Variants in SQLE observed in about 807,000 individuals in gnomAD.
SQLE encodes the protein squalene epoxidase, also known as squalene monooxygenase.
In SQLE, 29 loss-of-function variants were observed where a neutral mutation model predicts 60.7. The observed-to-expected ratio is 0.48, with a 90% CI of 0.36 to 0.65. The LOEUF (loss-of-function observed/expected upper bound fraction) is 0.65, where lower values mean the gene tolerates loss of function less well. Ranked by LOEUF, SQLE falls within the 30% of genes least tolerant of loss-of-function variation. The pLI is 0.00. For missense variants in SQLE, 605 were observed against 684.1 expected (o/e 0.88, Z 1.29); for synonymous variants, 237 against 246.8 (o/e 0.96, Z 0.37).
At chr8:125,018,752 A>C (rs1815151437) in intron 9 of SQLE, 25 bp downstream of exon 9, 1 of 1,413,704 alleles carries the variant, frequency 7.1e-7, no homozygotes. Context: ...TTTTTAGTGA[A>C]TATTACTCAA....
At chr8:125,008,757 GATGAT>G (rs1194909832) in intron 4 of SQLE, among the ~76,000 whole-genome samples, 17 of 152,336 alleles carry the variant, frequency 1.1e-4, no homozygotes, top group Middle Eastern at 3.4e-3. Flanking sequence ...TACAAAGGGA[GATGAT>G]CCTCAGGGAC....
At chr8:125,020,677 A>G (rs1815188488) in intron 9 of SQLE, 107 bp from the exon 10 acceptor site, 1 of 691,290 alleles carries the variant, frequency 1.4e-6, no homozygotes, top group African/African-American at 1.8e-5. Flanking sequence ...ATATTTAAAA[A>G]TTATCTGCAA....
intron 10 of SQLE, chr8:125,021,079 G>A: frequency 2.0e-6 from 1 of 498,748 alleles, no homozygotes; most frequent in South Asian, 3.1e-5. Context: ...GGTGGTGGTA[G>A]AGGAAGCTAT....
chr8:124,999,557 G>T lies in SQLE; in HGVS notation c.154G>T (p.Gly52Cys). The T allele has an allele frequency of 6.2e-7, 1 of 1,613,180 alleles. No homozygotes were observed. The highest frequency in any genetic ancestry group is 2.2e-5 in the East Asian group (1 of 44,838). Reference protein sequence around the residue: ...LSYRCRHRNGGLLGRQQSGSQ... With the variant: ...LSYRCRHRNGCLLGRQQSGSQ... ...CTACCGCTGTCGCCACCGAAACGGG[G>T]GTCTCCTCGGGCGCCAGCAGAGCGG... Residue 52 changes from glycine (G) to cysteine (C), a missense_variant, in exon 1 of 11, where the codon GGT becomes TGT. Transcript: ENST00000265896.
intron 9 of SQLE, 33 bp from the exon 10 acceptor site, chr8:125,020,751 C>G: frequency 7.4e-7 from 1 of 1,342,566 alleles, no homozygotes; most frequent in Non-Finnish European, 1.1e-6. Flanking sequence ...TAAGTGTGTA[C>G]ACATATTTGA....
chr8:125,000,746 G>A (rs1814831028), intron 1 of SQLE, among the ~76,000 whole-genome samples: 1 of 152,116 alleles, frequency 6.6e-6, no homozygotes, highest in Non-Finnish European at 1.5e-5. Flanking sequence ...GAGCCACGGC[G>A]CCTGGCCTGA....
Position 124,998,509 on chromosome 8 carries a change from C to T in SQLE, c.-895C>T, listed in dbSNP as rs187642392. 391 of 645,624 alleles carry T rather than the reference C, an allele frequency of 6.1e-4. 1 individual carries two copies. In the African/African-American group the frequency reaches 6.2e-3, roughly 10 times the overall value. The allele number at this position is 645,624 out of a possible 1,614,324, so 40.0% of individuals were successfully genotyped here. On this transcript the variant is annotated 5_prime_UTR_variant, in exon 1 of 11. In the 5' UTR this introduces an upstream ATG that the reference lacks. Coordinates refer to ENST00000265896, the MANE Select transcript of SQLE (RefSeq NM_003129.4). ...GCCGAGCCCGCCCAGCTGGCTGAGA[C>T]GCGTGGAGCCTGGCGGCGAGTGGGG...
At chr8:125,011,264 T>A in intron 6 of SQLE, 1 of 229,842 alleles carries the variant, frequency 4.4e-6, no homozygotes, top group Non-Finnish European at 8.4e-6. Flanking sequence ...TCATTTCATC[T>A]GAATTTGCCT....
chr8:125,017,989 A>G, intron 7 of SQLE, 70 bp from the exon 8 acceptor site: 1 of 1,485,694 alleles, frequency 6.7e-7, no homozygotes, highest in Non-Finnish European at 9.2e-7. Context: ...ATCTTTATAC[A>G]TTGAGTTATC....
intron 7 of SQLE, among the ~76,000 whole-genome samples, chr8:125,015,191 T>C (rs1815092586): frequency 6.6e-6 from 1 of 152,248 alleles, no homozygotes; most frequent in African/African-American, 2.4e-5. Context: ...TCTTGAAATC[T>C]ATTTTACTGA....
intron 1 of SQLE, chr8:125,000,066 C>T: frequency 4.3e-6 from 2 of 470,034 alleles, no homozygotes; most frequent in South Asian, 3.1e-5. Flanking sequence ...AAGAAACGTG[C>T]TGCGGGTAAG....
At chr8:124,999,827 T>C in intron 1 of SQLE, 133 bp downstream of exon 1, 5 of 1,130,380 alleles carry the variant, frequency 4.4e-6, no homozygotes, top group Non-Finnish European at 6.1e-6. Context: ...GTATTTTTTA[T>C]TTTAAACTCT....
At chr8:125,001,818 T>G (rs910919508) in intron 1 of SQLE, among the ~76,000 whole-genome samples, 1 of 152,144 alleles carries the variant, frequency 6.6e-6, no homozygotes, top group Non-Finnish European at 1.5e-5. Context: ...AAAAACCCCT[T>G]CAAATGGCAT....
chr8:125,007,729 A>G (rs1431243540), intron 4 of SQLE, among the ~76,000 whole-genome samples: 2 of 152,186 alleles, frequency 1.3e-5, no homozygotes, highest in Non-Finnish European at 2.9e-5. Flanking sequence ...TTTGTTTGTC[A>G]CATTACTGCT....
Position 124,999,323 on chromosome 8 carries a change from C to T in SQLE, c.-81C>T. On this transcript the variant is annotated 5_prime_UTR_variant, in exon 1 of 11. Transcript: ENST00000265896. Reference sequence around the variant, plus strand: ...CCGGCTCTCCGTGCTCCTCTTGGTACCTCATTTTGGGGAGAACCTTAAACC... The same window carrying T: ...CCGGCTCTCCGTGCTCCTCTTGGTATCTCATTTTGGGGAGAACCTTAAACC... 1.5e-6 allele frequency: 2 copies of T among 1,369,576 alleles called. No homozygotes were observed. Among genetic ancestry groups the T allele is most frequent in the Non-Finnish European group, 1.9e-6 (2 of 1,052,200 alleles). 84.8% of individuals were successfully genotyped at this position (1,369,576 alleles called of 1,614,324 possible). A position where few individuals can be genotyped will look rare whatever the true frequency, so the allele number is the denominator to read the frequency against.
rs1012779110 is a variant in SQLE, at chr8:125,003,217, A to T, written c.333A>T (p.Gly111=). The T allele has an allele frequency of 6.2e-7, 1 of 1,613,810 alleles. No homozygotes were observed. Residue 111 remains glycine (G), a synonymous_variant, in exon 2 of 11, where the codon GGA becomes GGT. Transcript: ENST00000265896. The stretch of plus-strand genomic sequence containing the variant: ...ATATTTCAGAAACAAGCTTAATAGG[A>T]ACAGCTGCCTGTACATCAACATCTT... ...GTNISETSLI[G]TAACTSTSSQ...
chr8:125,011,748 A>G, intron 7 of SQLE, 116 bp downstream of exon 7: 2 of 859,514 alleles, frequency 2.3e-6, no homozygotes, highest in South Asian at 3.5e-5. Flanking sequence ...ACTGTGGATT[A>G]GTGCATTATT....
chr8:125,011,413 G>T (rs1250053675), intron 6 of SQLE, 124 bp from the exon 7 acceptor site: 7 of 660,690 alleles, frequency 1.1e-5, no homozygotes, highest in African/African-American at 7.3e-5. Context: ...TATCACAAGG[G>T]ATATATGTAA....
chr8:125,004,417 T>A (rs1814913725), intron 2 of SQLE, among the ~76,000 whole-genome samples: 1 of 152,154 alleles, frequency 6.6e-6, no homozygotes, highest in Admixed American at 6.5e-5. Context: ...CGAAGGATGC[T>A]AATTTCTTCA....
Sources: allele counts gnomAD v4.1 joint callset (sites outside exome capture counted in the v4.1 genomes callset), GRCh38; gene constraint gnomAD v4.1.1; transcripts MANE v1.5; gene names NCBI Gene and HGNC (gene_info 2026-07-23, HGNC 2026-07-21).